THSD7B: variants seen among roughly 807,000 people sequenced by gnomAD.
THSD7B encodes the protein thrombospondin type-1 domain-containing protein 7B.
In THSD7B, 138 loss-of-function variants were observed where a neutral mutation model predicts 213.6. The observed-to-expected ratio is 0.65, with a 90% CI of 0.56 to 0.74. The LOEUF (loss-of-function observed/expected upper bound fraction) is 0.74. THSD7B is among the 30% of genes least tolerant of loss of function. The pLI, the probability that THSD7B is intolerant of heterozygous loss-of-function variation, is 0.00. For synonymous variants in THSD7B, 742 were observed against 687.0 expected (o/e 1.08, Z -1.25); for missense variants, 1,931 against 1,991.5 (o/e 0.97, Z 0.58).
At position 137,160,282 on chromosome 2, in the gene THSD7B, C is replaced by G; in HGVS notation, c.1439C>G (p.Pro480Arg). ...TTGCCCTCTCAGCTCTGCAATATCC[C>G]TTGCTCTACGGACTGCATAGTATCT... ...APLPSQLCNI[P>R]CSTDCIVSSW... The change falls in exon 6 of 28, where the codon CCT (proline) becomes CGT (arginine). Residue 480 changes from proline (P) to arginine (R), a missense_variant. By Grantham distance (103) the Pro-to-Arg change is moderately radical (BLOSUM62 -2). Transcript: ENST00000409968. The G allele has an allele frequency of 6.2e-7, 1 of 1,613,736 alleles. No individual in the cohort carries two copies. Among genetic ancestry groups the G allele is most frequent in the East Asian group, 2.2e-5 (1 of 44,844 alleles).
chr2:137,225,149 A>T (rs751451834), intron 7 of THSD7B, among the ~76,000 whole-genome samples: 6 of 152,132 alleles, frequency 3.9e-5, no homozygotes, highest in East Asian at 3.8e-4. Flanking sequence ...CTCATCATAC[A>T]TTGTACAGTT....
chr2:137,207,196 T>C (rs1217170584), intron 7 of THSD7B, among the ~76,000 whole-genome samples: 4 of 152,092 alleles, frequency 2.6e-5, no homozygotes, highest in Non-Finnish European at 5.9e-5. Context: ...TGCTTTTATA[T>C]GTTAACAACT....
chr2:137,108,086 T>A lies in THSD7B; in HGVS notation c.1200-7038T>A, dbSNP rs369463797. ...TTAATTTGAATACCTTGCACTAGGG[T>A]TTCAATTCCAAGAATGTTTGCAAAT... On this transcript the variant is annotated intron_variant, in intron 4 of 27. Transcript: ENST00000409968. Among the ~76,000 whole-genome samples the A allele has an allele frequency of 3.9e-5, 6 of 152,298 alleles. No individual in the cohort carries two copies. The South Asian group carries it at 1.2e-3, about 32-fold the overall frequency.
intron 26 of THSD7B, among the ~76,000 whole-genome samples, chr2:137,664,983 G>A (rs1683420533): frequency 6.6e-6 from 1 of 152,130 alleles, no homozygotes; most frequent in Non-Finnish European, 1.5e-5. Context: ...TTTAAATGAA[G>A]CAAAATCCAA....
intron 4 of THSD7B, among the ~76,000 whole-genome samples, chr2:137,113,468 C>T (rs1479085774): frequency 6.6e-6 from 1 of 151,924 alleles, no homozygotes; most frequent in Admixed American, 6.6e-5. Context: ...CGGAGTTTTG[C>T]TCTCGTTGCC....
intron 7 of THSD7B, among the ~76,000 whole-genome samples, chr2:137,212,454 A>C (rs1207175779): frequency 6.6e-6 from 1 of 152,104 alleles, no homozygotes; most frequent in African/African-American, 2.4e-5. Flanking sequence ...TTCAAAGCCT[A>C]ATTTGATATG....
intron 10 of THSD7B, among the ~76,000 whole-genome samples, chr2:137,264,004 T>G (rs887489589): frequency 6.6e-5 from 10 of 152,236 alleles, no homozygotes; most frequent in Admixed American, 5.2e-4. Flanking sequence ...CTGTCAAGTT[T>G]CACTTCTGCT....
chr2:137,385,163 C>T (rs976649962), intron 12 of THSD7B, among the ~76,000 whole-genome samples: 4 of 152,120 alleles, frequency 2.6e-5, no homozygotes, highest in Admixed American at 6.5e-5. Context: ...TAAAAGAGAC[C>T]GCACCTTTAC....
intron 7 of THSD7B, among the ~76,000 whole-genome samples, chr2:137,217,179 A>G (rs950810716): frequency 2.0e-5 from 3 of 152,204 alleles, no homozygotes; most frequent in African/African-American, 7.2e-5. Flanking sequence ...AAGCAAGCAT[A>G]CTGACAATCA....
intron 12 of THSD7B, among the ~76,000 whole-genome samples, chr2:137,374,718 T>C (rs1270344138): frequency 1.3e-5 from 2 of 152,218 alleles, no homozygotes; most frequent in East Asian, 1.9e-4. Context: ...AAGTTCTCAA[T>C]AGAACCACAG....
chr2:137,077,034 T>C (rs1687641129), intron 3 of THSD7B, among the ~76,000 whole-genome samples: 2 of 142,360 alleles, frequency 1.4e-5, no homozygotes, highest in South Asian at 4.5e-4. Context: ...TTCCATGTGT[T>C]GTCATTGTTC....
chr2:137,552,955 AG>A (rs1279600085), intron 15 of THSD7B, among the ~76,000 whole-genome samples: 1 of 152,196 alleles, frequency 6.6e-6, no homozygotes, highest in African/African-American at 2.4e-5. Context: ...TCATTGAATT[AG>A]GGGATGGGGA....
chr2:137,194,723 A>C (rs1680725714), intron 7 of THSD7B, among the ~76,000 whole-genome samples: 1 of 152,008 alleles, frequency 6.6e-6, no homozygotes, highest in Non-Finnish European at 1.5e-5. Flanking sequence ...GTATCCTCTA[A>C]TTATTATACA....
At chr2:137,091,084 A>G (rs1345588013) in intron 3 of THSD7B, among the ~76,000 whole-genome samples, 2 of 152,242 alleles carry the variant, frequency 1.3e-5, no homozygotes, top group Non-Finnish European at 2.9e-5. Context: ...ATATGTTAAT[A>G]TGTAATCAAT....
rs570728887 is a variant in THSD7B at position 137,074,500 on chromosome 2, C to A, written c.950+17270C>A. 8.5e-5 allele frequency among the ~76,000 whole-genome samples: 13 copies of A among 152,274 alleles called. 1 individual carries two copies. In the South Asian group the frequency reaches 2.7e-3, roughly 32 times the overall value. ...GTGTCCCTGCATGTGAGATGGGTTT[C>A]CTGAATAGAGCACACTGATGGGTCT... On this transcript the variant is annotated intron_variant, in intron 3 of 27. Coordinates refer to ENST00000409968, the MANE Select transcript of THSD7B (RefSeq NM_001316349.2).
At chr2:137,626,939 A>G (rs1191801481) in intron 20 of THSD7B, among the ~76,000 whole-genome samples, 2 of 152,194 alleles carry the variant, frequency 1.3e-5, no homozygotes, top group African/African-American at 4.8e-5. Flanking sequence ...GAATTGCTAT[A>G]ACAGAATACC....
At chr2:136,968,405 G>A (rs2104797580) in intron 2 of THSD7B, among the ~76,000 whole-genome samples, 1 of 152,070 alleles carries the variant, frequency 6.6e-6, no homozygotes, top group Admixed American at 6.5e-5. Context: ...TGGCGTTTTG[G>A]ATTTCCTTTT....
At chr2:136,805,638 T>C (rs929782586) in intron 1 of THSD7B, among the ~76,000 whole-genome samples, 1 of 152,216 alleles carries the variant, frequency 6.6e-6, no homozygotes. Context: ...CAGAACCGTA[T>C]TGGCTGCATC....
intron 25 of THSD7B, among the ~76,000 whole-genome samples, chr2:137,661,357 T>C (rs1683339320): frequency 6.6e-6 from 1 of 151,988 alleles, no homozygotes; most frequent in African/African-American, 2.4e-5. Context: ...GGGGTGACAC[T>C]CGAGTTATTA....
Sources: allele counts gnomAD v4.1 joint callset (sites outside exome capture counted in the v4.1 genomes callset), GRCh38; gene constraint gnomAD v4.1.1; transcripts MANE v1.5; gene names NCBI Gene and HGNC (gene_info 2026-07-23, HGNC 2026-07-21).